ZC3H12B: variants seen among roughly 807,000 people sequenced by gnomAD.
The protein encoded by ZC3H12B is probable ribonuclease ZC3H12B.
ZC3H12B carries 7 observed loss-of-function variants against 43.9 expected under a neutral mutation model. The observed-to-expected ratio is 0.16, with a 90% CI of 0.09 to 0.30. The LOEUF is 0.30. Among genes scored for constraint, ZC3H12B ranks in the 10% least tolerant of loss-of-function variants. The pLI, the probability that ZC3H12B is intolerant of heterozygous loss-of-function variation, is 1.00. For synonymous variants in ZC3H12B, 222 were observed against 241.7 expected, an observed-to-expected ratio of 0.92 and a Z score of 0.76; for missense variants, 475 against 670.2, an observed-to-expected ratio of 0.71 and a Z score of 3.22.
At chrX:65,221,598 G>T in the ZC3H12B span, among the ~76,000 whole-genome samples, 2 of 110,555 alleles carry the variant, frequency 1.8e-5, no homozygotes, top group Non-Finnish European at 1.9e-5. Context: ...TAGAGGAAAT[G>T]GATAAATTTG....
At chrX:65,090,489 T>A in the ZC3H12B span, among the ~76,000 whole-genome samples, 6 of 112,306 alleles carry the variant, frequency 5.3e-5, no homozygotes, top group African/African-American at 1.9e-4. Flanking sequence ...TAATCTGCTG[T>A]TTATCTAGGT....
At chrX:65,180,177 C>T in the ZC3H12B span, among the ~76,000 whole-genome samples, 3 of 112,025 alleles carry the variant, frequency 2.7e-5, no homozygotes, top group Non-Finnish European at 5.6e-5. Context: ...GGCTTCATCT[C>T]TGGCATGCAA....
intron 3 of ZC3H12B, among the ~76,000 whole-genome samples, chrX:65,433,425 C>T (rs752481277): frequency 2.8e-4 from 31 of 111,757 alleles, no homozygotes; most frequent in Non-Finnish European, 4.7e-4. Flanking sequence ...TAATAAGCTT[C>T]ACTTCACAGG....
chrX:65,104,721 T>A, the ZC3H12B span, among the ~76,000 whole-genome samples: 4 of 111,626 alleles, frequency 3.6e-5, no homozygotes, highest in African/African-American at 1.3e-4. Flanking sequence ...TCTCACACCA[T>A]TTAGAATGGT....
chrX:65,122,716 A>T, the ZC3H12B span, among the ~76,000 whole-genome samples: 1 of 111,379 alleles, frequency 9.0e-6, no homozygotes. Flanking sequence ...GACAACAAAA[A>T]AAGGCAGGGG....
At chrX:65,207,024 T>C in the ZC3H12B span, among the ~76,000 whole-genome samples, 1 of 109,124 alleles carries the variant, frequency 9.2e-6, no homozygotes, top group Admixed American at 9.9e-5. Context: ...TTGGTGTGGA[T>C]GTGGTGAAAA....
chrX:65,378,649 G>C (rs1261295718), intron 2 of ZC3H12B, among the ~76,000 whole-genome samples: 2 of 112,390 alleles, frequency 1.8e-5, no homozygotes, highest in Non-Finnish European at 3.8e-5. Flanking sequence ...ACAGCTCCCA[G>C]TGTGAGTGAC....
chrX:65,399,581 TG>T (rs1300602247), intron 3 of ZC3H12B, among the ~76,000 whole-genome samples: 3 of 112,069 alleles, frequency 2.7e-5, no homozygotes, highest in Non-Finnish European at 5.6e-5. Flanking sequence ...ACAGTGTTGG[TG>T]GTAATGTAAA....
At chrX:65,119,172 G>T in the ZC3H12B span, among the ~76,000 whole-genome samples, 9 of 111,271 alleles carry the variant, frequency 8.1e-5, no homozygotes, top group Non-Finnish European at 1.5e-4. Context: ...CCCAGTAATC[G>T]GATGGCTGGG....
At chrX:65,502,607 A>T in exon 5 of ZC3H12B, 1 of 1,209,894 alleles carries the variant, frequency 8.3e-7, no homozygotes, top group Non-Finnish European at 1.1e-6. Context: ...TGAAGCCTTA[A>T]CACGAGTGCA....
the ZC3H12B span, among the ~76,000 whole-genome samples, chrX:65,343,263 A>C: frequency 1.8e-5 from 2 of 111,879 alleles, no homozygotes. Context: ...AAGAGCTGGT[A>C]CCATTCCTAC....
chrX:65,202,589 C>CA, the ZC3H12B span, among the ~76,000 whole-genome samples: 1 of 110,655 alleles, frequency 9.0e-6, no homozygotes, highest in Non-Finnish European at 1.9e-5. Context: ...AACAAACAAA[C>CA]AAAAAATGGA....
intron 3 of ZC3H12B, among the ~76,000 whole-genome samples, chrX:65,482,916 T>A (rs1336552802): frequency 4.5e-5 from 5 of 111,976 alleles, no homozygotes; most frequent in Non-Finnish European, 9.4e-5. Context: ...ATCAACAGAC[T>A]CTTACTTTTT....
the ZC3H12B span, among the ~76,000 whole-genome samples, chrX:65,285,600 C>A: frequency 9.0e-6 from 1 of 111,242 alleles, no homozygotes; most frequent in African/African-American, 3.3e-5. Context: ...TGCCACCCAA[C>A]AACAAAATTA....
the ZC3H12B span, among the ~76,000 whole-genome samples, chrX:65,126,757 G>A: frequency 9.6e-6 from 1 of 104,451 alleles, no homozygotes; most frequent in Non-Finnish European, 1.9e-5. Flanking sequence ...AAGCTCTGGA[G>A]CTCTTTCTTC....
the ZC3H12B span, among the ~76,000 whole-genome samples, chrX:65,223,092 G>A: frequency 3.8e-4 from 42 of 111,861 alleles, no homozygotes; most frequent in African/African-American, 1.2e-3. Flanking sequence ...AATACTTACA[G>A]CCAACTGATC....
At chrX:65,046,289 A>G in the ZC3H12B span, among the ~76,000 whole-genome samples, 6 of 112,191 alleles carry the variant, frequency 5.3e-5, no homozygotes, top group African/African-American at 1.9e-4. Flanking sequence ...TGTTTTATCT[A>G]CATTGTAAGT....
chrX:65,411,271 C>G, intron 3 of ZC3H12B, among the ~76,000 whole-genome samples: 1 of 111,704 alleles, frequency 9.0e-6, no homozygotes, highest in East Asian at 2.8e-4. Context: ...AACTCATGGA[C>G]ATAGAGAGTA....
intron 3 of ZC3H12B, among the ~76,000 whole-genome samples, chrX:65,462,424 A>G (rs1035043708): frequency 9.0e-6 from 1 of 111,548 alleles, no homozygotes; most frequent in Non-Finnish European, 1.9e-5. Context: ...AGGCACGAGA[A>G]TTGCTTAAAC....
Sources: allele counts gnomAD v4.1 joint callset (sites outside exome capture counted in the v4.1 genomes callset), GRCh38; gene constraint gnomAD v4.1.1; transcripts MANE v1.5; gene names NCBI Gene and HGNC (gene_info 2026-07-23, HGNC 2026-07-21).